CADM2: variants seen among roughly 807,000 people sequenced by gnomAD.
CADM2 encodes the protein immunoglobulin superfamily member 4D.
CADM2 carries 12 observed loss-of-function variants against 49.8 expected under a neutral mutation model. The observed-to-expected ratio is 0.24, with a 90% CI of 0.15 to 0.39. The LOEUF is 0.39. Among genes scored for constraint, CADM2 ranks in the 10% least tolerant of loss-of-function variants. The pLI is 1.00. For synonymous variants in CADM2, 214 were observed against 175.4 expected (o/e 1.22, Z -1.74); for missense variants, 378 against 492.3 (o/e 0.77, Z 2.20).
At chr3:85,414,025 C>T (rs1277433371) in intron 1 of CADM2, among the ~76,000 whole-genome samples, 6 of 152,068 alleles carry the variant, frequency 3.9e-5, no homozygotes, top group Admixed American at 2.6e-4. Flanking sequence ...CCACCACGCT[C>T]AGCTAATTTT....
chr3:85,382,485 C>T (rs1277567230), intron 1 of CADM2, among the ~76,000 whole-genome samples: 2 of 152,146 alleles, frequency 1.3e-5, no homozygotes, highest in African/African-American at 2.4e-5. Context: ...CATTCTGCTT[C>T]CTGACTCATG....
intron 2 of CADM2, among the ~76,000 whole-genome samples, chr3:85,788,832 A>G (rs1052768279): frequency 3.3e-5 from 5 of 152,094 alleles, no homozygotes; most frequent in African/African-American, 9.7e-5. Context: ...TGTATTTGAA[A>G]TAAGGTTTTT....
chr3:85,120,147 C>T lies in CADM2; in HGVS notation c.61+160479C>T, dbSNP rs545974818. ...AAAACCACAATGAGATATCATCTCA[C>T]GCCAGTTAGAATGGCAATCATTAAA... is the stretch of plus-strand genomic sequence containing the variant. On this transcript the variant is annotated intron_variant, in intron 1 of 9. Coordinates refer to ENST00000383699, the MANE Select transcript of CADM2 (RefSeq NM_001167675.2). Among the ~76,000 whole-genome samples, 88 of 152,244 alleles carry T rather than the reference C, an allele frequency of 5.8e-4. 1 individual carries two copies. The highest frequency in any genetic ancestry group is 1.2e-3 in the South Asian group (6 of 4,818).
In CADM2 at chr3:84,968,556, C is replaced by T. The variant is rs572170486; in HGVS notation, c.61+8888C>T. 1.6e-4 allele frequency among the ~76,000 whole-genome samples: 24 copies of T among 152,162 alleles called. No homozygotes were observed. The South Asian group carries it at 4.6e-3, about 29-fold the overall frequency. On this transcript the variant is annotated intron_variant, in intron 1 of 9. Coordinates refer to ENST00000383699, the MANE Select transcript of CADM2 (RefSeq NM_001167675.2). ...AATATAGCAAGCAGTTACTCACATT[C>T]TGCACTTACTAGTTATCCTGCCAAG... is the stretch of plus-strand genomic sequence containing the variant.
intron 1 of CADM2, among the ~76,000 whole-genome samples, chr3:85,619,413 AT>A (rs1332142299): frequency 2.6e-5 from 4 of 152,030 alleles, no homozygotes; most frequent in African/African-American, 9.7e-5. Context: ...AAAAATAATT[AT>A]TTCTAATCAA....
At chr3:85,564,167 TTCTC>T (rs3086193) in intron 1 of CADM2, among the ~76,000 whole-genome samples, 2,894 of 149,614 alleles carry the variant, frequency 0.019, 68 homozygotes, top group African/African-American at 0.056. Context: ...GAAAGCATGA[TTCTC>T]TCTCTCTCTC....
chr3:85,451,270 A>T (rs1382856217), intron 1 of CADM2, among the ~76,000 whole-genome samples: 1 of 152,128 alleles, frequency 6.6e-6, no homozygotes, highest in Non-Finnish European at 1.5e-5. Flanking sequence ...ATATTTTAAG[A>T]ATTGTTTTTA....
chr3:85,579,561 T>C (rs1169974949), intron 1 of CADM2, among the ~76,000 whole-genome samples: 1 of 152,188 alleles, frequency 6.6e-6, no homozygotes, highest in African/African-American at 2.4e-5. Context: ...TAACATGCAA[T>C]GAAATAGCTG....
chr3:85,554,257 A>C (rs998763938), intron 1 of CADM2, among the ~76,000 whole-genome samples: 3 of 152,186 alleles, frequency 2.0e-5, no homozygotes, highest in Non-Finnish European at 4.4e-5. Context: ...TGCAGTTCAC[A>C]ATAGGGTTCC....
At chr3:85,647,538 T>G (rs1231964615) in intron 1 of CADM2, among the ~76,000 whole-genome samples, 1 of 151,794 alleles carries the variant, frequency 6.6e-6, no homozygotes, top group East Asian at 1.9e-4. Flanking sequence ...TTTAGAGACT[T>G]GTGAAATTTT....
At chr3:85,964,580 T>A (rs1258328581) in intron 8 of CADM2, among the ~76,000 whole-genome samples, 2 of 151,842 alleles carry the variant, frequency 1.3e-5, no homozygotes, top group Non-Finnish European at 2.9e-5. Flanking sequence ...CACTCCCTCC[T>A]AATTACACCT....
intron 1 of CADM2, among the ~76,000 whole-genome samples, chr3:85,315,316 G>T (rs1221180848): frequency 6.6e-6 from 1 of 152,104 alleles, no homozygotes; most frequent in Non-Finnish European, 1.5e-5. Context: ...ACGTTAGTAT[G>T]ACATCATCTT....
At chr3:85,782,005 C>T (rs1006965871) in intron 2 of CADM2, among the ~76,000 whole-genome samples, 1 of 152,192 alleles carries the variant, frequency 6.6e-6, no homozygotes, top group African/African-American at 2.4e-5. Context: ...TTGCTCAAAA[C>T]GACATGCCCT....
At chr3:86,031,962 G>A (rs1370793917) in intron 8 of CADM2, among the ~76,000 whole-genome samples, 1 of 151,742 alleles carries the variant, frequency 6.6e-6, no homozygotes, top group Non-Finnish European at 1.5e-5. Flanking sequence ...GAAGAAAATT[G>A]TAATGATAGT....
chr3:85,905,830 A>T (rs573846423), intron 5 of CADM2, among the ~76,000 whole-genome samples: 2 of 152,050 alleles, frequency 1.3e-5, no homozygotes, highest in Non-Finnish European at 2.9e-5. Context: ...TATTGTAAAA[A>T]CTCTGGTAGT....
chr3:85,845,784 G>C (rs1390641264), intron 3 of CADM2, among the ~76,000 whole-genome samples: 1 of 152,136 alleles, frequency 6.6e-6, no homozygotes, highest in Non-Finnish European at 1.5e-5. Flanking sequence ...GTAAATGAGA[G>C]ATGATAAAAC....
intron 1 of CADM2, among the ~76,000 whole-genome samples, chr3:85,328,938 C>T (rs148180963): frequency 1.1e-3 from 165 of 148,206 alleles, no homozygotes; most frequent in Non-Finnish European, 2.2e-3. Flanking sequence ...AGACCTGAAA[C>T]CCATTACCCT....
intron 1 of CADM2, among the ~76,000 whole-genome samples, chr3:85,395,070 A>C (rs2034704696): frequency 1.3e-5 from 2 of 151,968 alleles, no homozygotes; most frequent in South Asian, 2.1e-4. Context: ...GAAACACAAC[A>C]ACCCAAATAA....
At chr3:85,465,163 AC>A (rs1415647642) in intron 1 of CADM2, among the ~76,000 whole-genome samples, 1 of 152,136 alleles carries the variant, frequency 6.6e-6, no homozygotes, top group Non-Finnish European at 1.5e-5. Context: ...ACAAAACAAA[AC>A]AAAACAACAA....
Sources: allele counts gnomAD v4.1 joint callset (sites outside exome capture counted in the v4.1 genomes callset), GRCh38; gene constraint gnomAD v4.1.1; transcripts MANE v1.5; gene names NCBI Gene and HGNC (gene_info 2026-07-23, HGNC 2026-07-21).